The following EIF4E1B variants were observed in gnomAD, a reference collection of about 807,000 sequenced individuals.
The protein encoded by EIF4E1B is eukaryotic translation initiation factor 4E type 1B.
In EIF4E1B, 22 loss-of-function variants were observed where a neutral mutation model predicts 31.3. That is an observed-to-expected ratio of 0.70 (90% CI 0.50 to 1.00). The LOEUF is 1.00. Among genes scored for constraint, EIF4E1B ranks in the 50% least tolerant of loss-of-function variants. EIF4E1B has a pLI of 0.00. For synonymous variants in EIF4E1B, 126 were observed against 120.2 expected (o/e 1.05, Z -0.31); for missense variants, 290 against 311.6 (o/e 0.93, Z 0.52).
chr5:176,631,728 G>A (rs566239507), intron 1 of EIF4E1B, among the ~76,000 whole-genome samples: 14 of 151,906 alleles, frequency 9.2e-5, no homozygotes, highest in South Asian at 6.3e-4. Context: ...GCAAATTGGC[G>A]CAGACATTTT....
rs534280150 is a variant in EIF4E1B at position 176,645,663 on chromosome 5, C to A, written c.614+147C>A. 1.3e-5 allele frequency: 16 copies of A among 1,264,742 alleles called. No individual in the cohort carries two copies. Among genetic ancestry groups the A allele is most frequent in the Admixed American group, 6.0e-5 (2 of 33,398 alleles). The allele number at this position is 1,264,742 out of a possible 1,614,324, so 78.3% of individuals were successfully genotyped here. A position where few individuals can be genotyped will look rare whatever the true frequency, so the allele number is the denominator to read the frequency against. On this transcript the variant is annotated intron_variant, in intron 8 of 8. Coordinates refer to ENST00000318682, the MANE Select transcript of EIF4E1B (RefSeq NM_001099408.2). The surrounding 1 kb of genome is among the most constrained non-coding windows in gnomAD (Gnocchi z 5.4). ...TTGCCCACCTGTATGGAAGGTCTGGCGTTCAGATTTCTAACTTTCTCTTAC... is the reference window on the plus strand; with the variant it reads ...TTGCCCACCTGTATGGAAGGTCTGGAGTTCAGATTTCTAACTTTCTCTTAC...
chr5:176,642,862 C>CTCCG, intron 3 of EIF4E1B, 60 bp downstream of exon 3: 1 of 1,287,084 alleles, frequency 7.8e-7, no homozygotes, highest in Non-Finnish European at 1.0e-6. Context: ...CCCCCCCCCC[C>CTCCG]CCCGCCCCAG....
chr5:176,634,385 A>G (rs931133042), intron 1 of EIF4E1B, among the ~76,000 whole-genome samples: 4 of 152,156 alleles, frequency 2.6e-5, no homozygotes, highest in Admixed American at 6.5e-5. Flanking sequence ...GTGGTTTGCC[A>G]ATGTCCTTGG....
chr5:176,633,974 G>A (rs61127335), intron 1 of EIF4E1B, among the ~76,000 whole-genome samples: 1 of 152,200 alleles, frequency 6.6e-6, no homozygotes. Context: ...AGAAGCCCGG[G>A]TGACGCTGGA....
chr5:176,635,851 C>G lies in EIF4E1B; in HGVS notation c.-202+4787C>G, dbSNP rs566362171. On this transcript the variant is annotated intron_variant, in intron 1 of 8. Coordinates refer to ENST00000318682, the MANE Select transcript of EIF4E1B (RefSeq NM_001099408.2). ...TTTTTTTTTGAGACGGAGTCTAGCT[C>G]TGTTGCCCAGGCCTGAGTACAATGG... is the stretch of plus-strand genomic sequence containing the variant. Among the ~76,000 whole-genome samples the G allele has an allele frequency of 5.9e-5, 9 of 152,162 alleles. No individual in the cohort carries two copies. The South Asian group carries it at 6.2e-4, about 11-fold the overall frequency.
rs1346529687 is a variant in EIF4E1B, at chr5:176,645,866, G to T, written c.615G>T (p.Gly205=). The T allele has an allele frequency of 2.5e-6, 4 of 1,584,512 alleles. No individual in the cohort carries two copies. The highest frequency in any genetic ancestry group is 3.4e-6 in the Non-Finnish European group (4 of 1,165,686). ...AENQAGVLHV[G]RVYKERLGLS... ...TCCTCTGTGTCCCCCGCACCTGCAG[G>T]CGTGTATACAAAGAGCGCCTGGGCC... Residue 205 remains glycine (G), a splice_region_variant and synonymous_variant, in exon 9 of 9, where the codon GGG becomes GGT. Coordinates refer to ENST00000318682, the MANE Select transcript of EIF4E1B (RefSeq NM_001099408.2). The surrounding 1 kb of genome is among the most constrained non-coding windows in gnomAD (Gnocchi z 5.4).
At chr5:176,644,106 T>C in intron 5 of EIF4E1B, 1 of 563,302 alleles carries the variant, frequency 1.8e-6, no homozygotes. Context: ...CTAGGGAGGG[T>C]GAGAAGGCCT....
At position 176,642,801 on chromosome 5, in the gene EIF4E1B, A is replaced by G; in HGVS notation, c.14A>G (p.Glu5Gly). ...GGCACTCACTAAATGCTTGCTGTTG[A>G]GGTAATCAGCCTGGCCTCTCTACCC... MLAV[E>G]VSEAEGGIRE... Residue 5 changes from glutamate to glycine, a missense_variant and splice_region_variant, in exon 3 of 9, where the codon GAG becomes GGG. Transcript: ENST00000318682. The G allele has an allele frequency of 6.5e-7, 1 of 1,542,820 alleles. No individual in the cohort carries two copies. The highest frequency in any genetic ancestry group is 8.7e-7 in the Non-Finnish European group (1 of 1,147,220).
Position 176,645,226 on chromosome 5 carries a change from C to G in EIF4E1B, c.457C>G (p.Arg153Gly). 1 of 1,594,884 alleles carries G rather than the reference C, an allele frequency of 6.3e-7. No individual in the cohort carries two copies. The highest frequency in any genetic ancestry group is 8.5e-7 in the Non-Finnish European group (1 of 1,170,988). The change falls in exon 7 of 9, where the codon CGG (arginine) becomes GGG (glycine). Residue 153 changes from arginine (R) to glycine (G), a missense_variant. Arg to Gly is a moderately radical substitution (Grantham distance 125). Coordinates refer to ENST00000318682, the MANE Select transcript of EIF4E1B (RefSeq NM_001099408.2). The surrounding 1 kb of genome is among the most constrained non-coding windows in gnomAD (Gnocchi z 5.4). ...AKQQRHIELD[R>G]LWLETLLCLI... ...GCAGCAGCGCCACATTGAGCTGGACCGGCTGTGGCTGGAGACGGTGAGTTG... is the reference window on the plus strand; with the variant it reads ...GCAGCAGCGCCACATTGAGCTGGACGGGCTGTGGCTGGAGACGGTGAGTTG...
At chr5:176,639,426 G>T (rs958262304) in intron 1 of EIF4E1B, among the ~76,000 whole-genome samples, 2 of 152,158 alleles carry the variant, frequency 1.3e-5, no homozygotes, top group East Asian at 3.9e-4. Flanking sequence ...CGCCAGGGGG[G>T]TTGCTCTTAA....
chr5:176,642,021 G>T (rs1234488156), intron 1 of EIF4E1B, 22 bp from the exon 2 acceptor site: 1 of 152,624 alleles, frequency 6.6e-6, no homozygotes, highest in Non-Finnish European at 1.5e-5. Flanking sequence ...AGTTGTGTAT[G>T]ATTAACATTT....
rs551378186 is a variant in EIF4E1B at position 176,640,760 on chromosome 5, G to A, written c.-201-1283G>A. Among the ~76,000 whole-genome samples, 6 of 152,304 alleles carry A rather than the reference G, an allele frequency of 3.9e-5. No individual in the cohort carries two copies. The East Asian group carries it at 1.2e-3, about 29-fold the overall frequency. ...TGGCTCCCCACTGCCCCTAGGATCA[G>A]GCTTACCCATTTCTTTCCCCTTTTA... On this transcript the variant is annotated intron_variant, in intron 1 of 8. Coordinates refer to ENST00000318682, the MANE Select transcript of EIF4E1B (RefSeq NM_001099408.2).
At chr5:176,644,518 CAG>C (rs1760656731) in intron 6 of EIF4E1B, 79 bp downstream of exon 6, 1 of 898,558 alleles carries the variant, frequency 1.1e-6, no homozygotes, top group Non-Finnish European at 1.6e-6. Context: ...GTTAATCCCT[CAG>C]AGGGGTGGGG....
chr5:176,633,805 CAAG>C (rs1390564047), intron 1 of EIF4E1B, among the ~76,000 whole-genome samples: 1 of 152,154 alleles, frequency 6.6e-6, no homozygotes, highest in Non-Finnish European at 1.5e-5. Context: ...TCACAGGAAA[CAAG>C]AAGTCACTGA....
chr5:176,645,179 G>A lies in EIF4E1B; in HGVS notation c.410G>A (p.Arg137His), dbSNP rs750156083. The change falls in exon 7 of 9, where the codon CGC becomes CAC. Residue 137 changes from arginine (R) to histidine (H), a missense_variant. Arg to His is a conservative substitution (Grantham distance 29). Coordinates refer to ENST00000318682, the MANE Select transcript of EIF4E1B (RefSeq NM_001099408.2). This position sits in a 1 kb window ranked among gnomAD's most constrained non-coding sequence, Gnocchi z 5.4. ...GACAGCAGGAATAAACGGGGTGGCC[G>A]CTGGCTGGTCAGCCTGGCCAAGCAG... is the stretch of plus-strand genomic sequence containing the variant. ...WEDSRNKRGG[R>H]WLVSLAKQQR... is the part of the protein sequence containing the mutation. The A allele has an allele frequency of 1.3e-6, 2 of 1,580,560 alleles. No homozygotes were observed. The highest frequency in any genetic ancestry group is 1.2e-5 in the South Asian group (1 of 86,698).
At chr5:176,643,024 C>T (rs1760615773) in intron 3 of EIF4E1B, 58 bp from the exon 4 acceptor site, 2 of 1,549,722 alleles carry the variant, frequency 1.3e-6, no homozygotes, top group South Asian at 2.4e-5. Flanking sequence ...GCAGGGTGGG[C>T]ACAGGGACAG....
chr5:176,631,547 T>C (rs1207858208), intron 1 of EIF4E1B, among the ~76,000 whole-genome samples: 1 of 151,640 alleles, frequency 6.6e-6, no homozygotes, highest in Non-Finnish European at 1.5e-5. Context: ...AGAAAGAGAA[T>C]TTTAGGCTGT....
chr5:176,633,859 A>G (rs1760450211), intron 1 of EIF4E1B, among the ~76,000 whole-genome samples: 1 of 152,160 alleles, frequency 6.6e-6, no homozygotes, highest in African/African-American at 2.4e-5. Flanking sequence ...TTTGCATTTT[A>G]TGGGGCCAAA....
At chr5:176,634,247 AAG>A (rs1210887082) in intron 1 of EIF4E1B, among the ~76,000 whole-genome samples, 4 of 152,102 alleles carry the variant, frequency 2.6e-5, no homozygotes, top group Admixed American at 6.6e-5. Flanking sequence ...GAGCTCAGGA[AAG>A]CACTCCAGGC....
Sources: allele counts gnomAD v4.1 joint callset (sites outside exome capture counted in the v4.1 genomes callset), GRCh38; gene constraint gnomAD v4.1.1; non-coding constraint Gnocchi (gnomAD v3.1); transcripts MANE v1.5; gene names NCBI Gene and HGNC (gene_info 2026-07-23, HGNC 2026-07-21).